The following DAW1 variants were observed in gnomAD, a reference collection of about 807,000 sequenced individuals.
DAW1 encodes dynein assembly factor with WD repeat domains 1.
DAW1 carries 47 observed loss-of-function variants against 56.5 expected under a neutral mutation model. That is an observed-to-expected ratio of 0.83 (90% CI 0.66 to 1.06). DAW1 has a LOEUF of 1.06. DAW1 is among the 50% of genes least tolerant of loss of function. The probability of loss-of-function intolerance (pLI) is 0.00; values close to 1 mark genes in which losing one functional copy is unlikely to be tolerated. For synonymous variants in DAW1, 190 were observed against 179.0 expected, an observed-to-expected ratio of 1.06 and a Z score of -0.49; for missense variants, 505 against 499.3, an observed-to-expected ratio of 1.01 and a Z score of -0.11.
intron 12 of DAW1, among the ~76,000 whole-genome samples, chr2:227,922,175 C>G (rs543114564): frequency 6.6e-6 from 1 of 152,226 alleles, no homozygotes; most frequent in African/African-American, 2.4e-5. Flanking sequence ...GAGTTTATGT[C>G]AGTAAGTGTT....
chr2:227,921,274 A>G (rs556047682), intron 11 of DAW1, 125 bp from the exon 12 acceptor site: 148 of 1,016,764 alleles, frequency 1.5e-4, no homozygotes, highest in Admixed American at 2.6e-4. Flanking sequence ...AATAAATACC[A>G]GACTAGGAAG....
Position 227,923,998 on chromosome 2 carries a change from G to A in DAW1, c.*30G>A, listed in dbSNP as rs1462079234. On this transcript the variant is annotated 3_prime_UTR_variant, in exon 13 of 13. Transcript: ENST00000309931. ...AGGAAGCTGGTCAGTGAGCAACCTT[G>A]CTAGCAATGGTAATCAAGAACTGGA... 2 of 1,613,296 alleles carry A rather than the reference G, an allele frequency of 1.2e-6. No individual in the cohort carries two copies. The highest frequency in any genetic ancestry group is 1.7e-6 in the Non-Finnish European group (2 of 1,179,432).
At chr2:227,911,007 A>G (rs1691801284) in intron 10 of DAW1, among the ~76,000 whole-genome samples, 1 of 151,950 alleles carries the variant, frequency 6.6e-6, no homozygotes, top group Non-Finnish European at 1.5e-5. Flanking sequence ...CTGATAACAT[A>G]TAACACCGCC....
chr2:227,914,592 A>T (rs565093485), intron 10 of DAW1, among the ~76,000 whole-genome samples: 1 of 152,112 alleles, frequency 6.6e-6, no homozygotes, highest in South Asian at 2.1e-4. Context: ...ATGACGTTAC[A>T]CTAGATTATG....
chr2:227,906,631 AG>A (rs1253960800), intron 9 of DAW1, among the ~76,000 whole-genome samples: 2 of 152,214 alleles, frequency 1.3e-5, no homozygotes, highest in Admixed American at 1.3e-4. Context: ...CAATTAGTAG[AG>A]TGACCCTCAA....
intron 3 of DAW1, among the ~76,000 whole-genome samples, chr2:227,890,837 C>T (rs1375907511): frequency 6.6e-6 from 1 of 152,214 alleles, no homozygotes; most frequent in Non-Finnish European, 1.5e-5. Flanking sequence ...CCCAGCCAAT[C>T]ACTCTTAATA....
At position 227,912,518 on chromosome 2, in the gene DAW1, C is replaced by A. The variant is rs568992200; in HGVS notation, c.973+5266C>A. ...ATCTTCTTGATGATCATATATAATGCTGCACTGTCTAGTATGTCTGTTTCA... is the reference window on the plus strand; with the variant it reads ...ATCTTCTTGATGATCATATATAATGATGCACTGTCTAGTATGTCTGTTTCA... On this transcript the variant is annotated intron_variant, in intron 10 of 12. Coordinates refer to ENST00000309931, the MANE Select transcript of DAW1 (RefSeq NM_178821.3). 30 of 1,287,148 alleles carry A rather than the reference C, an allele frequency of 2.3e-5. No individual in the cohort carries two copies. In the East Asian group the frequency reaches 1.6e-3, roughly 69 times the overall value. 79.7% of individuals were successfully genotyped at this position (1,287,148 alleles called of 1,614,324 possible).
chr2:227,882,366 G>T (rs1170163191), intron 1 of DAW1, among the ~76,000 whole-genome samples: 1 of 152,142 alleles, frequency 6.6e-6, no homozygotes, highest in Non-Finnish European at 1.5e-5. Context: ...ACTACAAATC[G>T]AGGCAGTGAC....
chr2:227,886,434 T>C (rs1186847893), intron 2 of DAW1, among the ~76,000 whole-genome samples: 1 of 152,024 alleles, frequency 6.6e-6, no homozygotes, highest in Non-Finnish European at 1.5e-5. Flanking sequence ...CTGGCCAATA[T>C]GAGGAAACTC....
At chr2:227,920,136 T>TA (rs779097794) in intron 11 of DAW1, among the ~76,000 whole-genome samples, 1 of 152,198 alleles carries the variant, frequency 6.6e-6, no homozygotes, top group Non-Finnish European at 1.5e-5. Context: ...CCTCCATAAG[T>TA]AAACATCTAT....
intron 1 of DAW1, among the ~76,000 whole-genome samples, chr2:227,873,606 T>G (rs982594773): frequency 6.6e-6 from 1 of 152,192 alleles, no homozygotes; most frequent in Non-Finnish European, 1.5e-5. Flanking sequence ...AAGACATGCA[T>G]TTTCTCCTTC....
At chr2:227,912,260 T>C (rs961816974) in intron 10 of DAW1, 1 of 581,050 alleles carries the variant, frequency 1.7e-6, no homozygotes. Context: ...TGAGATGGAG[T>C]CTCGCTCTGT....
chr2:227,876,047 G>T (rs1386057185), intron 1 of DAW1, among the ~76,000 whole-genome samples: 1 of 150,678 alleles, frequency 6.6e-6, no homozygotes, highest in Non-Finnish European at 1.5e-5. Context: ...ATGGAGTCTA[G>T]CTCTGTCACC....
intron 12 of DAW1, 91 bp downstream of exon 12, chr2:227,921,652 C>T: frequency 7.4e-7 from 1 of 1,359,376 alleles, no homozygotes; most frequent in Non-Finnish European, 1.0e-6. Context: ...CATCCCCATT[C>T]CCTACCTCTT....
At chr2:227,883,805 T>G (rs984390601) in intron 1 of DAW1, among the ~76,000 whole-genome samples, 4 of 152,224 alleles carry the variant, frequency 2.6e-5, no homozygotes, top group African/African-American at 9.6e-5. Context: ...GAAAATATAG[T>G]TATTTTTACA....
In DAW1 at chr2:227,924,233, A is replaced by C. The variant is rs1692173443; in HGVS notation, c.*265A>C. The C allele has an allele frequency of 1.0e-5, 5 of 487,828 alleles. No homozygotes were observed. In the South Asian group the frequency reaches 1.3e-4, roughly 13 times the overall value. 30.2% of individuals were successfully genotyped at this position (487,828 alleles called of 1,614,324 possible). A position where few individuals can be genotyped will look rare whatever the true frequency, so the allele number is the denominator to read the frequency against. ...TTATTTCAGTTGTGTTTGTTTTTTA[A>C]AAGCATTATGATACTGAAAAAGGAG... On this transcript the variant is annotated 3_prime_UTR_variant, in exon 13 of 13. Transcript: ENST00000309931.
intron 11 of DAW1, 94 bp from the exon 12 acceptor site, chr2:227,921,305 C>CTTTTTTTTTTTTTTTTTTTTTTTT (rs556409280): frequency 2.3e-6 from 1 of 433,768 alleles, no homozygotes; most frequent in African/African-American, 4.3e-5. Context: ...CTGTAATGTC[C>CTTTTTTTTTTTTTTTTTTTTTTTT]TTTTTTTTTT....
intron 10 of DAW1, among the ~76,000 whole-genome samples, chr2:227,916,791 C>T (rs1041031440): frequency 3.3e-5 from 5 of 152,160 alleles, no homozygotes; most frequent in African/African-American, 7.2e-5. Context: ...TCAGGCTATA[C>T]TATGTCTGCG....
Position 227,881,260 on chromosome 2 carries a change from T to C in DAW1, c.41-4091T>C, listed in dbSNP as rs938100048. Among the ~76,000 whole-genome samples, 7 of 152,300 alleles carry C rather than the reference T, an allele frequency of 4.6e-5. No individual in the cohort carries two copies. The South Asian group carries it at 1.2e-3, about 27-fold the overall frequency. ...ATTCAGCAAGCACTGCTAGAGCATT[T>C]TGAAAGATCATGAAGATACTAGGTA... On this transcript the variant is annotated intron_variant, in intron 1 of 12. Transcript: ENST00000309931.
Sources: allele counts gnomAD v4.1 joint callset (sites outside exome capture counted in the v4.1 genomes callset), GRCh38; gene constraint gnomAD v4.1.1; transcripts MANE v1.5; gene names NCBI Gene and HGNC (gene_info 2026-07-23, HGNC 2026-07-21).